The following BCAP29 variants were observed in gnomAD, a reference collection of about 807,000 sequenced individuals.
BCAP29 encodes the protein B-cell receptor-associated protein 29.
BCAP29 carries 34 observed loss-of-function variants against 31.8 expected under a neutral mutation model. That is an observed-to-expected ratio of 1.07 (90% CI 0.81 to 1.42). The LOEUF (loss-of-function observed/expected upper bound fraction) is 1.42, where lower values mean the gene tolerates loss of function less well. Among genes scored for constraint, BCAP29 ranks in the 40% most tolerant of loss-of-function variants. BCAP29 has a pLI of 0.00. For missense variants in BCAP29, 314 were observed against 269.2 expected, an observed-to-expected ratio of 1.17 and a Z score of -1.16; for synonymous variants, 104 against 91.3, an observed-to-expected ratio of 1.14 and a Z score of -0.79.
chr7:107,622,046 CCTAT>C, downstream of BCAP29: 1 of 436,586 alleles, frequency 2.3e-6, no homozygotes, highest in Admixed American at 2.8e-5. Flanking sequence ...TTAGCCATCT[CCTAT>C]CTTAGTTACT....
chr7:107,599,309 T>TTATA (rs377116339), intron 5 of BCAP29, among the ~76,000 whole-genome samples: 1,776 of 68,682 alleles, frequency 0.026, 82 homozygotes, highest in Non-Finnish European at 0.035. Context: ...TATATAAATT[T>TTATA]TATATATATA....
intron 6 of BCAP29, chr7:107,603,622 T>C (rs1811569036): frequency 6.7e-6 from 1 of 150,372 alleles, no homozygotes; most frequent in African/African-American, 2.5e-5. Flanking sequence ...TTTTTTTTTT[T>C]TTTGAGACAG....
intron 4 of BCAP29, among the ~76,000 whole-genome samples, chr7:107,594,684 A>G (rs1809489298): frequency 6.6e-6 from 1 of 151,744 alleles, no homozygotes; most frequent in Admixed American, 6.6e-5. Context: ...TTGTATTTTC[A>G]GTAGAGACAG....
intron 6 of BCAP29, among the ~76,000 whole-genome samples, chr7:107,612,394 TATATA>T (rs1813300624): frequency 9.7e-4 from 9 of 9,300 alleles, no homozygotes; most frequent in African/African-American, 2.9e-3. Context: ...TATTGTTTTA[TATATA>T]TATATATATA....
chr7:107,602,184 A>AT (rs1811293754), intron 6 of BCAP29, among the ~76,000 whole-genome samples: 1 of 151,958 alleles, frequency 6.6e-6, no homozygotes, highest in Non-Finnish European at 1.5e-5. Context: ...GTAAAGGCAG[A>AT]TTTTACCTGT....
chr7:107,581,857 A>G (rs1482411227), intron 2 of BCAP29, among the ~76,000 whole-genome samples: 1 of 152,190 alleles, frequency 6.6e-6, no homozygotes, highest in Non-Finnish European at 1.5e-5. Flanking sequence ...AAGAAAAAAA[A>G]TTGAATCATA....
intron 6 of BCAP29, among the ~76,000 whole-genome samples, chr7:107,611,528 A>T (rs1218993043): frequency 6.6e-6 from 1 of 152,226 alleles, no homozygotes; most frequent in Non-Finnish European, 1.5e-5. Context: ...TGTACCAGAA[A>T]TCCAGGGTCT....
intron 3 of BCAP29, among the ~76,000 whole-genome samples, chr7:107,585,195 C>T (rs995517671): frequency 1.3e-5 from 2 of 152,110 alleles, no homozygotes; most frequent in African/African-American, 2.4e-5. Flanking sequence ...TTTAGAGAGG[C>T]GAACTTGGGA....
chr7:107,599,521 T>TAA (rs397943714), intron 5 of BCAP29, among the ~76,000 whole-genome samples: 22 of 131,750 alleles, frequency 1.7e-4, no homozygotes, highest in African/African-American at 3.9e-4. Context: ...CCCTGTTTCT[T>TAA]AAAAAAAAAA....
At chr7:107,581,849 G>C (rs1806731441) in intron 2 of BCAP29, among the ~76,000 whole-genome samples, 1 of 151,836 alleles carries the variant, frequency 6.6e-6, no homozygotes, top group Non-Finnish European at 1.5e-5. Context: ...TCTTACTAAA[G>C]AAAAAAAATT....
intron 2 of BCAP29, among the ~76,000 whole-genome samples, chr7:107,581,977 T>C (rs1237249795): frequency 2.0e-5 from 3 of 152,206 alleles, no homozygotes; most frequent in Non-Finnish European, 4.4e-5. Flanking sequence ...AAGTGACAGA[T>C]TCTAGAAAAA....
chr7:107,580,145 C>CCT (rs1806296463), upstream of BCAP29: 1 of 152,224 alleles, frequency 6.6e-6, no homozygotes, highest in Non-Finnish European at 1.5e-5. Context: ...GGTCGCGCCG[C>CCT]CTGTGACCTC....
intron 3 of BCAP29, among the ~76,000 whole-genome samples, chr7:107,593,251 T>A (rs1169810770): frequency 6.6e-6 from 1 of 152,168 alleles, no homozygotes; most frequent in African/African-American, 2.4e-5. Context: ...ATGCCTTCCC[T>A]AGTACATACA....
chr7:107,618,025 C>T (rs1814504664), intron 7 of BCAP29, among the ~76,000 whole-genome samples: 1 of 152,236 alleles, frequency 6.6e-6, no homozygotes, highest in South Asian at 2.1e-4. Flanking sequence ...TTACCAAAAA[C>T]CTTAATTGGG....
At chr7:107,581,331 ACC>A (rs1806622463) in intron 2 of BCAP29, among the ~76,000 whole-genome samples, 2 of 152,240 alleles carry the variant, frequency 1.3e-5, no homozygotes, top group African/African-American at 4.8e-5. Context: ...CGCCTTTGTA[ACC>A]GTTAGTTTCA....
In BCAP29 at chr7:107,583,894, T is replaced by G. The variant is rs1158031742; in HGVS notation, c.105T>G (p.Ile35Met). 1.9e-6 allele frequency: 3 copies of G among 1,562,564 alleles called. No individual in the cohort carries two copies. Among genetic ancestry groups the G allele is most frequent in the Admixed American group, 1.8e-5 (1 of 54,770 alleles). Reference protein sequence around the residue: ...PFIPPQRWQKIFSFNVWGKIA... With the variant: ...PFIPPQRWQKMFSFNVWGKIA... ...TATTGCTTTACAGATGGCAGAAGAT[T>G]TTTTCATTTAATGTCTGGGGTAAAA... is the stretch of plus-strand genomic sequence containing the variant. The change falls in exon 3 of 8, where the codon ATT becomes ATG. Residue 35 changes from isoleucine to methionine, a missense_variant. Coordinates refer to ENST00000005259, the MANE Select transcript of BCAP29 (RefSeq NM_018844.4).
chr7:107,585,423 A>G (rs1393553849), intron 3 of BCAP29, among the ~76,000 whole-genome samples: 2 of 152,202 alleles, frequency 1.3e-5, no homozygotes, highest in Non-Finnish European at 2.9e-5. Context: ...TTGAATCTCT[A>G]GCCATATAAC....
intron 1 of BCAP29, 130 bp from the exon 2 acceptor site, chr7:107,580,629 C>A: frequency 1.6e-6 from 1 of 622,192 alleles, no homozygotes; most frequent in Non-Finnish European, 2.7e-6. Flanking sequence ...GACCGGGGTC[C>A]GTGCTTGCCT....
At chr7:107,592,113 A>G (rs1170704526) in intron 3 of BCAP29, among the ~76,000 whole-genome samples, 4 of 152,134 alleles carry the variant, frequency 2.6e-5, no homozygotes, top group Non-Finnish European at 5.9e-5. Flanking sequence ...CTAGAAAACA[A>G]TTGGCCTGGC....
Sources: allele counts gnomAD v4.1 joint callset (sites outside exome capture counted in the v4.1 genomes callset), GRCh38; gene constraint gnomAD v4.1.1; transcripts MANE v1.5; gene names NCBI Gene and HGNC (gene_info 2026-07-23, HGNC 2026-07-21).